The following ZC3HC1 variants were observed in gnomAD, a reference collection of about 807,000 sequenced individuals.
ZC3HC1 encodes zinc finger C3HC-type protein 1.
In ZC3HC1, 38 loss-of-function variants were observed where a neutral mutation model predicts 61.9. The observed-to-expected ratio is 0.61, with a 90% CI of 0.47 to 0.81. The LOEUF is 0.81. ZC3HC1 is among the 30% of genes least tolerant of loss of function. The pLI is 0.00. For synonymous variants in ZC3HC1, 213 were observed against 229.9 expected (o/e 0.93, Z 0.67); for missense variants, 554 against 622.7 (o/e 0.89, Z 1.17).
chr7:130,032,529 A>G lies in ZC3HC1; in HGVS notation c.494-3500T>C, dbSNP rs576746760. Among the ~76,000 whole-genome samples, 116 of 150,234 alleles carry G rather than the reference A, an allele frequency of 7.7e-4. 2 individuals are homozygous for G. The highest frequency in any genetic ancestry group is 3.8e-3 in the Admixed American group (57 of 15,002). Reference sequence around the variant, plus strand: ...GATGTGGTGGCATACGCCTGTAGTCATAGTTACTCAGGAGGCTGAGGCAGG... The same window carrying G: ...GATGTGGTGGCATACGCCTGTAGTCGTAGTTACTCAGGAGGCTGAGGCAGG... On this transcript the variant is annotated intron_variant, in intron 4 of 9. Transcript: ENST00000358303.
intron 4 of ZC3HC1, among the ~76,000 whole-genome samples, chr7:130,029,807 C>A (rs1794097030): frequency 6.6e-6 from 1 of 152,076 alleles, no homozygotes; most frequent in Admixed American, 6.6e-5. Context: ...TCTTAAAGAA[C>A]CATCATTTTA....
At chr7:130,038,101 A>G (rs981302455) in intron 4 of ZC3HC1, among the ~76,000 whole-genome samples, 4 of 152,170 alleles carry the variant, frequency 2.6e-5, no homozygotes, top group Non-Finnish European at 5.9e-5. Context: ...GCCAAAGAAC[A>G]AAATATTTTT....
rs750237344 is a variant in ZC3HC1 at position 130,028,934 on chromosome 7, G to C, written c.589C>G (p.Pro197Ala). 3.1e-6 allele frequency: 5 copies of C among 1,613,794 alleles called. No homozygotes were observed. Among genetic ancestry groups the C allele is most frequent in the Non-Finnish European group, 3.4e-6 (4 of 1,179,790 alleles). Residue 197 changes from proline (P) to alanine (A), a missense_variant, in exon 5 of 10, where the codon CCT (proline) becomes GCT (alanine). Physicochemically the swap from Pro to Ala is conservative, Grantham distance 27. Transcript: ENST00000358303. ...TTCAAGTCCTCCGGCCTTAGGGAAG[G>C]AAGCTGGAGGTCCAAGTGACAAAGG... Reference protein sequence around the residue: ...QSLCHLDLQLPSLRPEDLKTM... With the variant: ...QSLCHLDLQLASLRPEDLKTM...
At chr7:130,031,952 A>G (rs559632902) in intron 4 of ZC3HC1, among the ~76,000 whole-genome samples, 17 of 152,314 alleles carry the variant, frequency 1.1e-4, no homozygotes, top group East Asian at 3.9e-4. Context: ...GAGGCCGGGC[A>G]CAGTGGCTCA....
chr7:130,050,019 TTCTC>T (rs917991323), intron 1 of ZC3HC1, among the ~76,000 whole-genome samples: 1 of 151,702 alleles, frequency 6.6e-6, no homozygotes, highest in African/African-American at 2.4e-5. Context: ...AGCAAAGCAA[TTCTC>T]TCATTTTCAG....
intron 1 of ZC3HC1, among the ~76,000 whole-genome samples, chr7:130,050,884 T>C (rs777014450): frequency 6.6e-6 from 1 of 152,198 alleles, no homozygotes; most frequent in Admixed American, 6.6e-5. Context: ...TGAGAGTTAA[T>C]AAGCTTCTCC....
intron 4 of ZC3HC1, among the ~76,000 whole-genome samples, chr7:130,030,156 A>G (rs1020011037): frequency 2.0e-5 from 3 of 150,496 alleles, no homozygotes; most frequent in African/African-American, 7.3e-5. Context: ...AGGTCAGTCT[A>G]GTAGGCCTAG....
intron 4 of ZC3HC1, among the ~76,000 whole-genome samples, chr7:130,036,113 G>GTTT (rs113457368): frequency 7.1e-6 from 1 of 140,992 alleles, no homozygotes; most frequent in African/African-American, 2.6e-5. Context: ...TAATATGCCT[G>GTTT]TTTTTTTTTT....
Position 130,039,469 on chromosome 7 carries a change from G to T in ZC3HC1, c.488C>A (p.Ser163Tyr), listed in dbSNP as rs764245945. The T allele has an allele frequency of 6.2e-7, 1 of 1,611,522 alleles. No homozygotes were observed. Among genetic ancestry groups the T allele is most frequent in the Non-Finnish European group, 8.5e-7 (1 of 1,179,208 alleles). The change falls in exon 4 of 10, where the codon TCC becomes TAC. Residue 163 changes from serine to tyrosine, a missense_variant. Transcript: ENST00000358303. ...GAATTCTCAAAAATAAGTACCTGGG[G>T]ATGGGCTGTCTGGCCAGAAACAGAA... ...EKFCFWPDSP[S>Y]PDRFGMLPLD...
intron 4 of ZC3HC1, among the ~76,000 whole-genome samples, chr7:130,030,061 C>T (rs1794105652): frequency 6.6e-6 from 1 of 152,128 alleles, no homozygotes; most frequent in African/African-American, 2.4e-5. Flanking sequence ...TCTGGCATTA[C>T]CCAATTCATC....
chr7:130,051,445 T>C (rs1277873831), upstream of ZC3HC1: 2 of 1,592,816 alleles, frequency 1.3e-6, no homozygotes, highest in East Asian at 2.2e-5. Flanking sequence ...TATCCGCCTC[T>C]TGAGGCAGCC....
intron 4 of ZC3HC1, among the ~76,000 whole-genome samples, chr7:130,031,338 A>AC (rs1794181434): frequency 1.3e-5 from 2 of 151,244 alleles, no homozygotes; most frequent in African/African-American, 4.8e-5. Context: ...AAAAAAAAAA[A>AC]AAAACAGAAA....
chr7:130,048,886 T>C (rs916322226), intron 2 of ZC3HC1, 147 bp downstream of exon 2: 3 of 519,106 alleles, frequency 5.8e-6, no homozygotes, highest in Non-Finnish European at 9.4e-6. Context: ...CTCTGAGTGA[T>C]AACATATTAG....
At chr7:130,049,601 A>G (rs1369597790) in intron 1 of ZC3HC1, among the ~76,000 whole-genome samples, 2 of 151,670 alleles carry the variant, frequency 1.3e-5, no homozygotes, top group Non-Finnish European at 2.9e-5. Flanking sequence ...CTGGAGTGCA[A>G]CGGTGCGATC....
At chr7:130,037,098 G>GT (rs1794458823) in intron 4 of ZC3HC1, 2 of 152,220 alleles carry the variant, frequency 1.3e-5, no homozygotes, top group Non-Finnish European at 2.9e-5. Flanking sequence ...AAAGCAAAAT[G>GT]TACGGTGACA....
At chr7:130,039,014 T>C (rs904819922) in intron 4 of ZC3HC1, among the ~76,000 whole-genome samples, 1 of 151,560 alleles carries the variant, frequency 6.6e-6, no homozygotes, top group Non-Finnish European at 1.5e-5. Flanking sequence ...CAAGTGAATA[T>C]AAGTTTTTCT....
intron 4 of ZC3HC1, among the ~76,000 whole-genome samples, chr7:130,039,012 T>C (rs1794539242): frequency 1.3e-5 from 2 of 151,488 alleles, no homozygotes; most frequent in Admixed American, 1.3e-4. Context: ...CACAAGTGAA[T>C]ATAAGTTTTT....
At chr7:130,020,816 T>A (rs923948848) in intron 9 of ZC3HC1, among the ~76,000 whole-genome samples, 3 of 152,184 alleles carry the variant, frequency 2.0e-5, no homozygotes, top group African/African-American at 7.2e-5. Context: ...TTCCTGAAGA[T>A]CTAGGCAGAG....
At position 130,049,034 on chromosome 7, in the gene ZC3HC1, G is replaced by GAA; in HGVS notation, c.255_256dup (p.Ser86PhefsTer4). On this transcript the variant is annotated frameshift_variant and splice_region_variant, in exon 2 of 10. Transcript: ENST00000358303. LOFTEE classifies it high-confidence loss of function. ...TTCACATGAACTAAAAAAGGATATA[G>GAA]AAAATGTTTCCACTCTGCTAAAGAA... 1 of 1,595,206 alleles carries GAA rather than the reference G, an allele frequency of 6.3e-7. No individual in the cohort carries two copies.
Sources: gnomAD v4.1 joint callset for allele counts (sites outside exome capture counted in the v4.1 genomes callset) on GRCh38, gnomAD v4.1.1 for gene constraint, MANE v1.5 for transcripts, NCBI Gene and HGNC (gene_info 2026-07-23, HGNC 2026-07-21) for gene names.